The following IGSF22 variants were observed in gnomAD, a reference collection of about 807,000 sequenced individuals.
IGSF22 encodes immunoglobulin superfamily, member 22.
In IGSF22, 119 loss-of-function variants were observed where a neutral mutation model predicts 127.0. The ratio of observed to expected loss-of-function variants is 0.94; its 90% CI spans 0.81 to 1.09. The LOEUF (loss-of-function observed/expected upper bound fraction) is 1.09, where lower values mean the gene tolerates loss of function less well. IGSF22 is among the 50% of genes least tolerant of loss of function. The probability of loss-of-function intolerance (pLI) is 0.00; values close to 1 mark genes in which losing one functional copy is unlikely to be tolerated. For missense variants in IGSF22, 1,518 were observed against 1,716.6 expected (o/e 0.88, Z 2.04); for synonymous variants, 568 against 664.7 (o/e 0.85, Z 2.24).
rs765812234 is a variant in IGSF22 at position 18,721,614 on chromosome 11, CAGG to C, written c.296_298del (p.Ser99del). The C allele has an allele frequency of 3.7e-5, 60 of 1,614,144 alleles. No homozygotes were observed. The highest frequency in any genetic ancestry group is 1.6e-4 in the Middle Eastern group (1 of 6,084). On this transcript the variant is annotated inframe_deletion, in exon 4 of 23. Transcript: ENST00000513874. Reference sequence around the variant, plus strand: ...GATGGGGATGCCGCTCTCCCTCTTCCAGGAGATGTGGGGTTTGGCGTTCCCCTG... The same window carrying C: ...GATGGGGATGCCGCTCTCCCTCTTCCAGATGTGGGGTTTGGCGTTCCCCTG...
intron 3 of IGSF22, 54 bp downstream of exon 3, chr11:18,721,856 A>T: frequency 6.3e-7 from 1 of 1,595,154 alleles, no homozygotes; most frequent in East Asian, 2.2e-5. Context: ...GGGTGGGGGC[A>T]CTCGATTAGA....
chr11:18,704,325 G>T lies in IGSF22; in HGVS notation c.*143C>A, dbSNP rs893573581. The T allele has an allele frequency of 1.1e-5, 7 of 651,502 alleles. No individual in the cohort carries two copies. The highest frequency in any genetic ancestry group is 1.7e-5 in the Non-Finnish European group (6 of 358,202). 40.4% of individuals were successfully genotyped at this position (651,502 alleles called of 1,614,324 possible). ...TCAGGAACGGGAAAGGATGAGTTAC[G>T]TTTATTGCCCCATCCCTTCACTGAA... On this transcript the variant is annotated 3_prime_UTR_variant, in exon 23 of 23. Coordinates refer to ENST00000513874, the MANE Select transcript of IGSF22 (RefSeq NM_173588.4).
chr11:18,710,376 A>G lies in IGSF22; in HGVS notation c.2652T>C (p.Pro884=). ...AGCTGGATGGCACACTGGGCTGTCC[A>G]GGGCCTGCCTTATTTACAGCTATAA... The part of the protein sequence containing the change: ...FRVIAVNKAG[P]GQPSVPSSSV... The change falls in exon 17 of 23, where the codon CCT becomes CCC. Residue 884 remains proline, a synonymous_variant. Coordinates refer to ENST00000513874, the MANE Select transcript of IGSF22 (RefSeq NM_173588.4). 1 of 1,614,226 alleles carries G rather than the reference A, an allele frequency of 6.2e-7. No individual in the cohort carries two copies. Among genetic ancestry groups the G allele is most frequent in the South Asian group, 1.1e-5 (1 of 91,086 alleles).
chr11:18,707,659 T>A (rs948210172), intron 20 of IGSF22, 145 bp downstream of exon 20: 4 of 663,090 alleles, frequency 6.0e-6, no homozygotes, highest in Admixed American at 5.6e-5. Flanking sequence ...CTCTGTATGA[T>A]AAAGTCTTGC....
In IGSF22 at chr11:18,714,415, TGATCTGG is replaced by T; in HGVS notation, c.1657-4_1659del. On this transcript the variant is annotated splice_acceptor_variant and splice_polypyrimidine_tract_variant and coding_sequence_variant and intron_variant, in exon 13 of 23. Transcript: ENST00000513874. LOFTEE classifies it high-confidence loss of function. Reference sequence around the variant, plus strand: ...ACAATCTGCATGCCTGGCAAGTCCGTGATCTGGGGGTCAGGGGTGGGCCTGAGTGTGA... The same window carrying T: ...ACAATCTGCATGCCTGGCAAGTCCGTGGGTCAGGGGTGGGCCTGAGTGTGA... 1 of 1,614,020 alleles carries T rather than the reference TGATCTGG, an allele frequency of 6.2e-7. No homozygotes were observed. Among genetic ancestry groups the T allele is most frequent in the Non-Finnish European group, 8.5e-7 (1 of 1,179,868 alleles).
intron 22 of IGSF22, 191 bp downstream of exon 22, chr11:18,705,626 G>T: frequency 1.7e-6 from 1 of 604,486 alleles, no homozygotes; most frequent in Non-Finnish European, 2.9e-6. Flanking sequence ...GTCTGCAGGG[G>T]CCAGGCATAT....
chr11:18,715,870 G>A (rs1848454586), intron 10 of IGSF22, among the ~76,000 whole-genome samples, 154 bp from the exon 11 acceptor site: 1 of 152,208 alleles, frequency 6.6e-6, no homozygotes, highest in Non-Finnish European at 1.5e-5. Context: ...ACTCACAGAA[G>A]TACCCGACAG....
At chr11:18,706,855 A>G (rs1848245833) in intron 21 of IGSF22, 59 bp downstream of exon 21, 3 of 1,353,220 alleles carry the variant, frequency 2.2e-6, no homozygotes, top group Non-Finnish European at 3.0e-6. Context: ...TGGGACCCTT[A>G]TGTCATCCCC....
rs578159338 is a variant in IGSF22, at chr11:18,706,117, A to G, written c.3610T>C (p.Tyr1204His). The G allele has an allele frequency of 3.5e-5, 54 of 1,544,522 alleles. No homozygotes were observed. The African/African-American group carries it at 7.1e-4, about 20-fold the overall frequency. Reference sequence around the variant, plus strand: ...GCGTGGCGCCAGTCCTTCTTCTCGTAGGGCTTGAGCTTGGCGCTCAGGTCC... The same window carrying G: ...GCGTGGCGCCAGTCCTTCTTCTCGTGGGGCTTGAGCTTGGCGCTCAGGTCC... ...IQDLSAKLKP[Y>H]EKKDWRHAPR... is the part of the protein sequence containing the mutation. Residue 1204 changes from tyrosine to histidine, a missense_variant, in exon 22 of 23, where the codon TAC becomes CAC. Tyr to His is a moderately conservative substitution (Grantham distance 83). Coordinates refer to ENST00000513874, the MANE Select transcript of IGSF22 (RefSeq NM_173588.4).
Position 18,714,601 on chromosome 11 carries a change from C to G in IGSF22, c.1555G>C (p.Gly519Arg), listed in dbSNP as rs556255881. The G allele has an allele frequency of 1.9e-6, 3 of 1,614,154 alleles. No homozygotes were observed. Among genetic ancestry groups the G allele is most frequent in the South Asian group, 1.1e-5 (1 of 91,080 alleles). ...GTGGCCGCGTGCACGTCGGACATCC[C>G]GCTCTTCACTGTGGCCAGACGCTCT... ...VEERLATVKS[G>R]MSDVHAATGS... Residue 519 changes from glycine (G) to arginine (R), a missense_variant, in exon 12 of 23, where the codon GGG (glycine) becomes CGG (arginine). Gly to Arg is a moderately radical substitution (Grantham distance 125). Around this residue, in one of 3 missense-constraint regions of IGSF22, gnomAD observed 1,456 missense variants for 1,644.9 expected, o/e 0.89. Coordinates refer to ENST00000513874, the MANE Select transcript of IGSF22 (RefSeq NM_173588.4).
chr11:18,714,573 C>G lies in IGSF22; in HGVS notation c.1583G>C (p.Gly528Ala). 1 of 1,614,228 alleles carries G rather than the reference C, an allele frequency of 6.2e-7. No individual in the cohort carries two copies. ...SGMSDVHAATGSPAELCVVLN... is the reference protein window; with the variant it reads ...SGMSDVHAATASPAELCVVLN... ...CACTACACACAACTCAGCTGGGCTC[C>G]CAGTGGCCGCGTGCACGTCGGACAT... is the stretch of plus-strand genomic sequence containing the variant. The change falls in exon 12 of 23, where the codon GGG becomes GCG. Residue 528 changes from glycine (G) to alanine (A), a missense_variant. Physicochemically the swap from Gly to Ala is moderately conservative, Grantham distance 60. Around this residue, in one of 3 missense-constraint regions of IGSF22, gnomAD observed 1,456 missense variants for 1,644.9 expected, o/e 0.89. Coordinates refer to ENST00000513874, the MANE Select transcript of IGSF22 (RefSeq NM_173588.4).
At chr11:18,711,840 C>T (rs1016816541) in intron 15 of IGSF22, among the ~76,000 whole-genome samples, 1 of 152,178 alleles carries the variant, frequency 6.6e-6, no homozygotes, top group Non-Finnish European at 1.5e-5. Context: ...GAGTCAGTTC[C>T]CCAAAGTTGT....
Position 18,706,844 on chromosome 11 carries a change from T to C in IGSF22, c.3580+70A>G, listed in dbSNP as rs910138453. The C allele has an allele frequency of 3.2e-6, 4 of 1,249,940 alleles. No individual in the cohort carries two copies. The East Asian group carries it at 1.0e-4, about 33-fold the overall frequency. 77.4% of individuals were successfully genotyped at this position (1,249,940 alleles called of 1,614,324 possible). A position where few individuals can be genotyped will look rare whatever the true frequency, so the allele number is the denominator to read the frequency against. On this transcript the variant is annotated intron_variant, in intron 21 of 22. Coordinates refer to ENST00000513874, the MANE Select transcript of IGSF22 (RefSeq NM_173588.4). ...TTTTATCTTGCCTCTTGGGTACCCT[T>C]TGGGACCCTTATGTCATCCCCACCA...
At chr11:18,712,752 C>T (rs1291516701) in intron 14 of IGSF22, among the ~76,000 whole-genome samples, 1 of 152,194 alleles carries the variant, frequency 6.6e-6, no homozygotes, top group African/African-American at 2.4e-5. Flanking sequence ...ACCAGTTTCA[C>T]CCCTTTTGGA....
chr11:18,704,816 G>A, intron 22 of IGSF22: 1 of 377,874 alleles, frequency 2.6e-6, no homozygotes, highest in Non-Finnish European at 5.0e-6. Flanking sequence ...AGGTCACATG[G>A]CTGGTCAGTG....
At chr11:18,720,005 A>G (rs1848540393) in intron 6 of IGSF22, 59 bp downstream of exon 6, 1 of 1,611,130 alleles carries the variant, frequency 6.2e-7, no homozygotes, top group Middle Eastern at 1.7e-4. Context: ...GAGGCCTTTG[A>G]GAGGCTTTGG....
Position 18,709,236 on chromosome 11 carries a change from G to A in IGSF22, c.2998+151C>T, listed in dbSNP as rs917779026. The stretch of plus-strand genomic sequence containing the variant: ...TTGATTTAGTAGGGGTGCCCCTGAA[G>A]TTACCCCTAACTTTGTCCAGGCACA... On this transcript the variant is annotated intron_variant, in intron 18 of 22. Coordinates refer to ENST00000513874, the MANE Select transcript of IGSF22 (RefSeq NM_173588.4). The surrounding 1 kb of genome is among the most constrained non-coding windows in gnomAD (Gnocchi z 4.8). The A allele has an allele frequency of 2.9e-5, 22 of 769,094 alleles. No homozygotes were observed. In the African/African-American group the frequency reaches 3.3e-4, roughly 12 times the overall value. The allele number at this position is 769,094 out of a possible 1,614,324, so 47.6% of individuals were successfully genotyped here.
chr11:18,719,610 G>T, intron 7 of IGSF22, 106 bp downstream of exon 7: 1 of 1,091,296 alleles, frequency 9.2e-7, no homozygotes, highest in Non-Finnish European at 1.3e-6. Flanking sequence ...GAGTATGTGT[G>T]TGCAGAACTG....
At chr11:18,706,188 G>A (rs1848226789) in intron 21 of IGSF22, 42 bp from the exon 22 acceptor site, 2 of 1,494,650 alleles carry the variant, frequency 1.3e-6, no homozygotes, top group East Asian at 2.5e-5. Context: ...GCGCCCCAAG[G>A]CCCCCACCCA....
Sources: allele counts gnomAD v4.1 joint callset (sites outside exome capture counted in the v4.1 genomes callset), GRCh38; gene constraint gnomAD v4.1.1; regional missense constraint gnomAD v4.1.1; non-coding constraint Gnocchi (gnomAD v3.1); transcripts MANE v1.5; gene names NCBI Gene and HGNC (gene_info 2026-07-23, HGNC 2026-07-21).